HMGB4: variants seen among roughly 807,000 people sequenced by gnomAD.
The protein encoded by HMGB4 is high mobility group protein B4.
For synonymous variants in HMGB4, 82 were observed against 84.9 expected (o/e 0.97, Z 0.19); for missense variants, 217 against 220.4 (o/e 0.98, Z 0.10).
In HMGB4 at chr1:33,864,146, C is replaced by T. The variant is rs1639771308; in HGVS notation, c.-46C>T. On this transcript the variant is annotated 5_prime_UTR_variant, in exon 1 of 1. Coordinates refer to ENST00000681531, the MANE Select transcript of HMGB4 (RefSeq NM_001379301.1). ...TCCTGGAGTGTGGGAACAACAGTCT[C>T]TCCTGTCCACGTTACTGAATCCAGA... The T allele has an allele frequency of 1.3e-6, 2 of 1,529,294 alleles. No homozygotes were observed. Among genetic ancestry groups the T allele is most frequent in the South Asian group, 1.3e-5 (1 of 76,404 alleles). The allele number at this position is 1,529,294 out of a possible 1,614,324, so 94.7% of individuals were successfully genotyped here.
chr1:33,861,172 G>A (rs143167486), upstream of HMGB4: 18 of 152,276 alleles, frequency 1.2e-4, 1 homozygote, highest in African/African-American at 3.9e-4. Context: ...GTATGTAAAC[G>A]AGTCATGATG....
Position 33,864,524 on chromosome 1 carries a change from GA to G in HMGB4, c.335del (p.Lys112ArgfsTer38), listed in dbSNP as rs1402182944. The G allele has an allele frequency of 6.2e-7, 1 of 1,614,136 alleles. No individual in the cohort carries two copies. Among genetic ancestry groups the G allele is most frequent in the South Asian group, 1.1e-5 (1 of 91,084 alleles). On this transcript the variant is annotated frameshift_variant, in exon 1 of 1. Coordinates refer to ENST00000681531, the MANE Select transcript of HMGB4 (RefSeq NM_001379301.1). LOFTEE classifies it low-confidence loss of function (END_TRUNC). ...TCTGCCAAGACCACTATGCTCAGCT[GA>G]AGAGGGAGAACCCGAACTGGTCGGT... ...LFCQDHYAQL[K>X]RENPNWSVVQ...
In HMGB4 at chr1:33,864,599, C is replaced by G. The variant is rs74067992; in HGVS notation, c.408C>G (p.Asp136Glu). 1.9e-3 allele frequency: 2,991 copies of G among 1,613,974 alleles called. 35 individuals carry two copies. The African/African-American group carries it at 0.028, about 15-fold the overall frequency. ...GGAAGATGTGGTCAACAGCGACAGA[C>G]CTGGAGAAGCACCCTTATGAGCAAA... ...ATGKMWSTAT[D>E]LEKHPYEQRV... The change falls in exon 1 of 1, where the codon GAC becomes GAG. Residue 136 changes from aspartate (D) to glutamate (E), a missense_variant. Asp to Glu is a conservative substitution (Grantham distance 45, BLOSUM62 2). Coordinates refer to ENST00000681531, the MANE Select transcript of HMGB4 (RefSeq NM_001379301.1).
chr1:33,861,954 GC>G (rs916244784), upstream of HMGB4, among the ~76,000 whole-genome samples: 28 of 138,794 alleles, frequency 2.0e-4, no homozygotes, highest in African/African-American at 7.4e-4. Context: ...TCTCCTGAGG[GC>G]CCCATTGACC....
chr1:33,861,004 G>C (rs924523509), upstream of HMGB4: 5 of 152,170 alleles, frequency 3.3e-5, no homozygotes, highest in African/African-American at 1.2e-4. Flanking sequence ...TATCTTCTCT[G>C]TGCTTTGCTA....
At chr1:33,861,326 C>G (rs565536841), upstream of HMGB4, 2 of 152,294 alleles carry the variant, frequency 1.3e-5, no homozygotes, top group East Asian at 3.9e-4. Context: ...CATAGCCACA[C>G]TCATTGGTTT....
upstream of HMGB4, chr1:33,863,022 C>T (rs1454556278): frequency 6.6e-6 from 1 of 152,166 alleles, no homozygotes; most frequent in Non-Finnish European, 1.5e-5. Flanking sequence ...CAGGATGAAG[C>T]ACAGGCTTAG....
upstream of HMGB4, chr1:33,864,056 T>G: frequency 1.3e-6 from 1 of 796,678 alleles, no homozygotes; most frequent in Non-Finnish European, 2.0e-6. Context: ...CTGAAAAGGC[T>G]GAGCCCTGAC....
At chr1:33,860,989 CT>C (rs2125112739), upstream of HMGB4, 1 of 152,276 alleles carries the variant, frequency 6.6e-6, no homozygotes, top group African/African-American at 2.4e-5. Flanking sequence ...AATTTTTTAT[CT>C]CTATATCTTC....
Position 33,864,446 on chromosome 1 carries a change from G to A in HMGB4, c.255G>A (p.Arg85=). The A allele has an allele frequency of 6.2e-7, 1 of 1,614,130 alleles. No individual in the cohort carries two copies. Residue 85 remains arginine, a synonymous_variant, in exon 1 of 1, where the codon CGG becomes CGA. Transcript: ENST00000681531. ...MMNYVGKRKK[R]RKRDPQEPRR... ...ATTATGTTGGCAAGAGGAAGAAACG[G>A]AGAAAGCGGGATCCCCAGGAACCCA...
chr1:33,864,462 C>T lies in HMGB4; in HGVS notation c.271C>T (p.Gln91Ter), dbSNP rs971323479. ...GAAGAAACGGAGAAAGCGGGATCCC[C>T]AGGAACCCAGACGGCCTCCATCATC... ...KRKKRRKRDP[Q>*]EPRRPPSSFL... The change falls in exon 1 of 1, where the codon CAG becomes TAG. Residue 91 changes from glutamine (Q) to a stop codon, truncating the protein, a stop_gained. Transcript: ENST00000681531. LOFTEE classifies it low-confidence loss of function (END_TRUNC). 39 of 1,613,790 alleles carry T rather than the reference C, an allele frequency of 2.4e-5. No individual in the cohort carries two copies. The highest frequency in any genetic ancestry group is 1.7e-4 in the Middle Eastern group (1 of 6,060).
upstream of HMGB4, chr1:33,862,343 C>CTCTGTGTGTG (rs542219181): frequency 8.8e-6 from 1 of 114,006 alleles, no homozygotes; most frequent in Non-Finnish European, 1.8e-5. Context: ...ATAAGCTACT[C>CTCTGTGTGTG]TGTGTGTGTG....
At chr1:33,863,532 T>A (rs750031149), upstream of HMGB4, 1 of 152,240 alleles carries the variant, frequency 6.6e-6, no homozygotes, top group South Asian at 2.1e-4. Context: ...AGGTTTTAAA[T>A]TAGACAACTT....
upstream of HMGB4, among the ~76,000 whole-genome samples, chr1:33,861,539 A>T (rs1300045286): frequency 6.6e-6 from 1 of 152,182 alleles, no homozygotes; most frequent in Non-Finnish European, 1.5e-5. Flanking sequence ...CCTTGCAGGC[A>T]TGCTTGCTCT....
upstream of HMGB4, among the ~76,000 whole-genome samples, chr1:33,861,837 T>C (rs986458128): frequency 6.6e-6 from 1 of 152,170 alleles, no homozygotes; most frequent in Non-Finnish European, 1.5e-5. Flanking sequence ...GGACACCTTA[T>C]GAGGACCAGT....
Position 33,864,512 on chromosome 1 carries a change from C to T in HMGB4, c.321C>T (p.His107=). The stretch of plus-strand genomic sequence containing the variant: ...CCTTCCTACTCTTCTGCCAAGACCA[C>T]TATGCTCAGCTGAAGAGGGAGAACC... ...PSSFLLFCQD[H]YAQLKRENPN... The change falls in exon 1 of 1, where the codon CAC becomes CAT. Residue 107 remains histidine, a synonymous_variant. Coordinates refer to ENST00000681531, the MANE Select transcript of HMGB4 (RefSeq NM_001379301.1). 1 of 1,614,124 alleles carries T rather than the reference C, an allele frequency of 6.2e-7. No homozygotes were observed. Among genetic ancestry groups the T allele is most frequent in the Non-Finnish European group, 8.5e-7 (1 of 1,180,012 alleles).
chr1:33,861,981 C>T (rs11589979), upstream of HMGB4, among the ~76,000 whole-genome samples: 72,472 of 151,768 alleles, frequency 0.48, 18,430 homozygotes, highest in East Asian at 0.64. Context: ...GAGATGGAAA[C>T]CAGAGGGTAT....
upstream of HMGB4, among the ~76,000 whole-genome samples, chr1:33,861,663 C>T (rs983600105): frequency 6.6e-6 from 1 of 152,132 alleles, no homozygotes; most frequent in African/African-American, 2.4e-5. Flanking sequence ...AGGGTCCCCG[C>T]AGGAAACAGA....
Position 33,864,533 on chromosome 1 carries a change from G to A in HMGB4, c.342G>A (p.Glu114=), listed in dbSNP as rs376207122. 1.2e-6 allele frequency: 2 copies of A among 1,614,130 alleles called. No individual in the cohort carries two copies. The highest frequency in any genetic ancestry group is 1.7e-6 in the Non-Finnish European group (2 of 1,180,014). ...ACCACTATGCTCAGCTGAAGAGGGAGAACCCGAACTGGTCGGTGGTGCAGG... is the reference window on the plus strand; with the variant it reads ...ACCACTATGCTCAGCTGAAGAGGGAAAACCCGAACTGGTCGGTGGTGCAGG... ...CQDHYAQLKR[E]NPNWSVVQVA... The change falls in exon 1 of 1, where the codon GAG becomes GAA. Residue 114 remains glutamate (E), a synonymous_variant. Transcript: ENST00000681531.
Sources: gnomAD v4.1 joint callset for allele counts (sites outside exome capture counted in the v4.1 genomes callset) on GRCh38, gnomAD v4.1.1 for gene constraint, MANE v1.5 for transcripts, NCBI Gene and HGNC (gene_info 2026-07-23, HGNC 2026-07-21) for gene names.